The following DNAH9 variants were observed in gnomAD, a reference collection of about 807,000 sequenced individuals.
The protein encoded by DNAH9 is DNAH9 variant protein.
In DNAH9, 345 loss-of-function variants were observed where a neutral mutation model predicts 471.6. The ratio of observed to expected loss-of-function variants is 0.73; its 90% CI spans 0.67 to 0.80. The LOEUF (loss-of-function observed/expected upper bound fraction) is 0.80. DNAH9 is among the 30% of genes least tolerant of loss of function. The pLI, the probability that DNAH9 is intolerant of heterozygous loss-of-function variation, is 0.00. For missense variants in DNAH9, 5,407 were observed against 5,609.2 expected (o/e 0.96, Z 1.15); for synonymous variants, 2,093 against 2,123.6 (o/e 0.99, Z 0.40).
intron 48 of DNAH9, among the ~76,000 whole-genome samples, chr17:11,827,088 G>T (rs1397775918): frequency 6.6e-6 from 1 of 151,940 alleles, no homozygotes; most frequent in South Asian, 2.1e-4. Flanking sequence ...GCCTCCCAAG[G>T]TGTTGGGATT....
At chr17:11,667,099 C>T (rs2150724430) in intron 15 of DNAH9, among the ~76,000 whole-genome samples, 1 of 152,304 alleles carries the variant, frequency 6.6e-6, no homozygotes, top group Non-Finnish European at 1.5e-5. Context: ...GTAGAGATTA[C>T]AGTCCCATGT....
chr17:11,921,852 A>G (rs1974150094), intron 61 of DNAH9, among the ~76,000 whole-genome samples: 1 of 152,182 alleles, frequency 6.6e-6, no homozygotes, highest in African/African-American at 2.4e-5. Context: ...TTTGCCCGTG[A>G]TGATCCCTCC....
intron 49 of DNAH9, among the ~76,000 whole-genome samples, chr17:11,845,007 TTTTA>T (rs1004398940): frequency 1.5e-4 from 23 of 152,042 alleles, no homozygotes; most frequent in African/African-American, 5.6e-4. Flanking sequence ...ATCTTTTTTT[TTTTA>T]TTTATTATTA....
chr17:11,844,841 C>A (rs1408404503), intron 49 of DNAH9, among the ~76,000 whole-genome samples: 1 of 152,072 alleles, frequency 6.6e-6, no homozygotes, highest in Non-Finnish European at 1.5e-5. Flanking sequence ...AAGCCTAGGA[C>A]CCAATACTGG....
intron 19 of DNAH9, among the ~76,000 whole-genome samples, chr17:11,687,409 A>G (rs1233550819): frequency 6.6e-6 from 1 of 152,228 alleles, no homozygotes; most frequent in East Asian, 1.9e-4. Context: ...AATGACTTCA[A>G]TTAGGATTAC....
intron 17 of DNAH9, among the ~76,000 whole-genome samples, chr17:11,675,820 A>C (rs762017446): frequency 6.6e-6 from 1 of 151,868 alleles, no homozygotes; most frequent in Non-Finnish European, 1.5e-5. Flanking sequence ...TCTCTGGCTT[A>C]TTGTGTTTGC....
chr17:11,829,907 A>G (rs1328022735), intron 48 of DNAH9, among the ~76,000 whole-genome samples: 1 of 152,252 alleles, frequency 6.6e-6, no homozygotes, highest in Admixed American at 6.5e-5. Flanking sequence ...CTTAATATTA[A>G]TCTTGCATTG....
At chr17:11,748,295 C>G (rs1034326677) in intron 32 of DNAH9, among the ~76,000 whole-genome samples, 1 of 152,056 alleles carries the variant, frequency 6.6e-6, no homozygotes. Flanking sequence ...CCACTGCACT[C>G]CAGTCTGGGT....
chr17:11,736,378 A>C (rs1212783395), intron 28 of DNAH9, among the ~76,000 whole-genome samples: 2 of 152,190 alleles, frequency 1.3e-5, no homozygotes. Context: ...TGTGCCTGGC[A>C]GCCTTAGCTA....
intron 35 of DNAH9, among the ~76,000 whole-genome samples, chr17:11,758,420 C>T (rs1967501948): frequency 6.6e-6 from 1 of 152,184 alleles, no homozygotes; most frequent in South Asian, 2.1e-4. Flanking sequence ...GAATCTGACA[C>T]CCATCCCTGT....
intron 48 of DNAH9, among the ~76,000 whole-genome samples, chr17:11,830,493 C>A (rs1443912358): frequency 1.3e-5 from 2 of 152,066 alleles, no homozygotes; most frequent in African/African-American, 2.4e-5. Flanking sequence ...TTGACAGTTT[C>A]ATAATTCATG....
intron 48 of DNAH9, among the ~76,000 whole-genome samples, chr17:11,824,112 G>T (rs887103138): frequency 6.6e-6 from 1 of 152,076 alleles, no homozygotes; most frequent in African/African-American, 2.4e-5. Context: ...ATCAAATACT[G>T]CCTCTTTGAT....
At chr17:11,746,540 A>T (rs768665967) in intron 31 of DNAH9, among the ~76,000 whole-genome samples, 9 of 152,120 alleles carry the variant, frequency 5.9e-5, no homozygotes, top group Non-Finnish European at 7.3e-5. Context: ...ATCTCGTGAG[A>T]ACTCACTCAG....
chr17:11,920,731 C>T (rs569784849), intron 61 of DNAH9, among the ~76,000 whole-genome samples: 1 of 152,000 alleles, frequency 6.6e-6, no homozygotes, highest in East Asian at 1.9e-4. Flanking sequence ...GATGATGAAA[C>T]AGGAACCAAG....
chr17:11,679,279 T>C (rs907698418), intron 17 of DNAH9, among the ~76,000 whole-genome samples: 1 of 152,248 alleles, frequency 6.6e-6, no homozygotes, highest in African/African-American at 2.4e-5. Context: ...TGATCATTTA[T>C]GCATTGCCAG....
chr17:11,967,034 CAAAA>C (rs375839377), intron 68 of DNAH9, among the ~76,000 whole-genome samples: 9 of 65,118 alleles, frequency 1.4e-4, no homozygotes, highest in Non-Finnish European at 2.5e-4. Flanking sequence ...GACTCCATCT[CAAAA>C]AAAAAAAAAA....
chr17:11,824,433 C>T (rs530288690), intron 48 of DNAH9, among the ~76,000 whole-genome samples: 54 of 152,306 alleles, frequency 3.5e-4, no homozygotes, highest in Admixed American at 1.6e-3. Flanking sequence ...TTCTTCTGCT[C>T]AGGAAGTGGT....
chr17:11,897,862 G>A (rs895573029), intron 59 of DNAH9, among the ~76,000 whole-genome samples: 1 of 152,208 alleles, frequency 6.6e-6, no homozygotes, highest in Non-Finnish European at 1.5e-5. Context: ...TACTACAATG[G>A]AGTGGCTTAA....
At chr17:11,692,347 C>A (rs987439138) in intron 20 of DNAH9, among the ~76,000 whole-genome samples, 1 of 152,142 alleles carries the variant, frequency 6.6e-6, no homozygotes, top group African/African-American at 2.4e-5. Flanking sequence ...AATAATAATA[C>A]CACAAGCTCT....
Sources: gnomAD v4.1 joint callset for allele counts (sites outside exome capture counted in the v4.1 genomes callset) on GRCh38, gnomAD v4.1.1 for gene constraint, MANE v1.5 for transcripts, NCBI Gene and HGNC (gene_info 2026-07-23, HGNC 2026-07-21) for gene names.